The following RRBP1 variants were observed in gnomAD, a reference collection of about 807,000 sequenced individuals.
RRBP1 encodes ribosome binding protein 1.
Under a neutral mutation model 165.2 loss-of-function variants are expected in RRBP1, and 94 were observed. The ratio of observed to expected loss-of-function variants is 0.57; its 90% CI spans 0.48 to 0.68. RRBP1 has a LOEUF of 0.68. RRBP1 is among the 30% of genes least tolerant of loss of function. The pLI, the probability that RRBP1 is intolerant of heterozygous loss-of-function variation, is 0.00. For missense variants in RRBP1, 1,676 were observed against 1,763.0 expected (o/e 0.95, Z 0.88); for synonymous variants, 680 against 714.5 (o/e 0.95, Z 0.77).
chr20:17,663,201 G>A (rs1316616715), intron 2 of RRBP1, among the ~76,000 whole-genome samples: 3 of 152,162 alleles, frequency 2.0e-5, no homozygotes, highest in African/African-American at 7.2e-5. Context: ...GAACAGCCAC[G>A]CACAAAGCGG....
At chr20:17,623,753 A>C (rs1285273011) in intron 13 of RRBP1, among the ~76,000 whole-genome samples, 1 of 152,104 alleles carries the variant, frequency 6.6e-6, no homozygotes, top group Non-Finnish European at 1.5e-5. Context: ...CCAACATGGC[A>C]AAACCCCATC....
At chr20:17,679,398 C>T (rs1262196586) in intron 2 of RRBP1, among the ~76,000 whole-genome samples, 2 of 152,200 alleles carry the variant, frequency 1.3e-5, no homozygotes, top group African/African-American at 4.8e-5. Flanking sequence ...CAGCACAGTC[C>T]CTGCCTTCAT....
At chr20:17,648,772 TA>T (rs1001084946) in intron 3 of RRBP1, among the ~76,000 whole-genome samples, 1 of 152,040 alleles carries the variant, frequency 6.6e-6, no homozygotes, top group African/African-American at 2.4e-5. Flanking sequence ...TACCTGGAGT[TA>T]AAAAAAACCC....
rs1227390805 is a variant in RRBP1 at position 17,614,214 on chromosome 20, C to A, written c.4201G>T (p.Gly1401Cys). Reference sequence around the variant, plus strand: ...GAGGTGCCCTCCTTTGAGCTGCTGCCGTCCTCCTGTGAACGAAGGCAGGTG... The same window carrying A: ...GAGGTGCCCTCCTTTGAGCTGCTGCAGTCCTCCTGTGAACGAAGGCAGGTG... ...LQEQLEKAED[G>C]SSSKEGTSV The change falls in exon 25 of 25, where the codon GGC becomes TGC. Residue 1401 changes from glycine (G) to cysteine (C), a missense_variant. Gly to Cys is a radical substitution (Grantham distance 159). This residue lies in a region of RRBP1 where 1,184 missense variants were observed against 1,167.1 expected (regional missense o/e 1.01). Coordinates refer to ENST00000377813, the MANE Select transcript of RRBP1 (RefSeq NM_001365613.2). 3 of 1,613,548 alleles carry A rather than the reference C, an allele frequency of 1.9e-6. No homozygotes were observed. The highest frequency in any genetic ancestry group is 2.5e-6 in the Non-Finnish European group (3 of 1,179,986).
chr20:17,665,027 T>C (rs2036841632), intron 2 of RRBP1, among the ~76,000 whole-genome samples: 1 of 152,122 alleles, frequency 6.6e-6, no homozygotes, highest in Non-Finnish European at 1.5e-5. Flanking sequence ...ACCACCCAGG[T>C]TTACCAAACC....
In RRBP1 at chr20:17,621,750, A is replaced by G; in HGVS notation, c.3264T>C (p.Asp1088=). The change falls in exon 15 of 25, where the codon GAT becomes GAC. Residue 1088 remains aspartate (D), a synonymous_variant. Transcript: ENST00000377813. The part of the protein sequence containing the change: ...AQQNYTEWLQ[D]LKEKGPTLLK... Reference sequence around the variant, plus strand: ...GCAGCGTGGGGCCTTTCTCTTTGAGATCCTGCAGCCACTCGGTGTAATTCT... The same window carrying G: ...GCAGCGTGGGGCCTTTCTCTTTGAGGTCCTGCAGCCACTCGGTGTAATTCT... 1 of 1,613,794 alleles carries G rather than the reference A, an allele frequency of 6.2e-7. No individual in the cohort carries two copies. Among genetic ancestry groups the G allele is most frequent in the Non-Finnish European group, 8.5e-7 (1 of 1,179,994 alleles).
At chr20:17,678,212 T>G (rs1381541174) in intron 2 of RRBP1, among the ~76,000 whole-genome samples, 1 of 152,212 alleles carries the variant, frequency 6.6e-6, no homozygotes, top group African/African-American at 2.4e-5. Context: ...GAACTAATTT[T>G]CTATATGCTA....
At chr20:17,675,953 A>G (rs77668597) in intron 2 of RRBP1, among the ~76,000 whole-genome samples, 2,384 of 152,302 alleles carry the variant, frequency 0.016, 71 homozygotes, top group African/African-American at 0.055. Context: ...CACGCCTACA[A>G]TCCTGGCACT....
intron 3 of RRBP1, among the ~76,000 whole-genome samples, chr20:17,654,824 G>A (rs1484382928): frequency 3.3e-5 from 5 of 152,176 alleles, no homozygotes; most frequent in African/African-American, 4.8e-5. Context: ...AGAGGCCTGC[G>A]GTGCTGAGCT....
At position 17,618,693 on chromosome 20, in the gene RRBP1, C is replaced by CA. The variant is rs1490884776; in HGVS notation, c.3676-15dup. 4.4e-6 allele frequency: 7 copies of CA among 1,605,262 alleles called. No homozygotes were observed. Among genetic ancestry groups the CA allele is most frequent in the Non-Finnish European group, 6.0e-6 (7 of 1,172,460 alleles). On this transcript the variant is annotated splice_polypyrimidine_tract_variant and intron_variant, in intron 19 of 24. Transcript: ENST00000377813. ...AAGTTGCCTCAGCTTGGGGAGAAAA[C>CA]AGAGGCGGGTGATGGGAAAAAAGGA...
intron 3 of RRBP1, among the ~76,000 whole-genome samples, chr20:17,651,511 A>G (rs189834266): frequency 1.2e-4 from 19 of 152,342 alleles, no homozygotes; most frequent in Non-Finnish European, 8.8e-5. Context: ...ATGCTAGGGA[A>G]TATTATGCAG....
intron 3 of RRBP1, among the ~76,000 whole-genome samples, chr20:17,648,405 G>A (rs1176862182): frequency 1.3e-5 from 2 of 152,220 alleles, no homozygotes; most frequent in African/African-American, 4.8e-5. Context: ...CACAAACAGT[G>A]GACTCCAGGC....
Position 17,659,859 on chromosome 20 carries a change from T to C in RRBP1, c.649A>G (p.Asn217Asp), listed in dbSNP as rs749199560. The C allele has an allele frequency of 1.1e-5, 17 of 1,551,792 alleles. No homozygotes were observed. The highest frequency in any genetic ancestry group is 2.4e-5 in the South Asian group (2 of 84,096). The change falls in exon 3 of 25, where the codon AAC becomes GAC. Residue 217 changes from asparagine (N) to aspartate (D), a missense_variant. By Grantham distance (23) the Asn-to-Asp change is conservative (BLOSUM62 1). Around this residue, in one of 5 missense-constraint regions of RRBP1, gnomAD observed 392 missense variants for 382.5 expected, o/e 1.02. Coordinates refer to ENST00000377813, the MANE Select transcript of RRBP1 (RefSeq NM_001365613.2). The stretch of plus-strand genomic sequence containing the variant: ...GTTCCCTCTGCCTTTCTGCCCTGGT[T>C]TGGGGCTCCTTCAGCCTTTTTGCTT... ...NQSKKAEGAP[N>D]QGRKAEGTPN...
At chr20:17,632,404 C>T (rs531333505) in intron 8 of RRBP1, among the ~76,000 whole-genome samples, 1 of 152,192 alleles carries the variant, frequency 6.6e-6, no homozygotes, top group South Asian at 2.1e-4. Context: ...CAATCATGGG[C>T]AGGCACACCC....
intron 18 of RRBP1, among the ~76,000 whole-genome samples, chr20:17,620,015 G>A (rs1019575141): frequency 1.3e-5 from 2 of 152,154 alleles, no homozygotes; most frequent in Non-Finnish European, 2.9e-5. Flanking sequence ...TCTGAAGGGG[G>A]CAGTGGGGCC....
intron 3 of RRBP1, among the ~76,000 whole-genome samples, chr20:17,656,093 T>C (rs1343741378): frequency 6.6e-6 from 1 of 152,218 alleles, no homozygotes; most frequent in African/African-American, 2.4e-5. Context: ...CCACCGCAGA[T>C]GGCCCTGAAG....
chr20:17,636,228 G>A (rs891552100), intron 6 of RRBP1, among the ~76,000 whole-genome samples: 3 of 152,266 alleles, frequency 2.0e-5, no homozygotes, highest in African/African-American at 7.2e-5. Flanking sequence ...AAAGAAGATA[G>A]AGCCTGCGTT....
At position 17,633,453 on chromosome 20, in the gene RRBP1, G is replaced by A. The variant is rs201104155; in HGVS notation, c.2610+7C>T. 9.9e-4 allele frequency: 1,596 copies of A among 1,612,264 alleles called. No individual in the cohort carries two copies. The highest frequency in any genetic ancestry group is 1.2e-3 in the Non-Finnish European group (1,420 of 1,179,350). ...AGGGCACTGAGGCGGCCACTGCCCC[G>A]ACTCACCTGCAGCTGCAGGACCTGC... On this transcript the variant is annotated splice_region_variant and intron_variant, in intron 8 of 24. Coordinates refer to ENST00000377813, the MANE Select transcript of RRBP1 (RefSeq NM_001365613.2).
At chr20:17,633,688 G>A (rs1025538552) in intron 7 of RRBP1, 75 bp from the exon 8 acceptor site, 2 of 1,482,244 alleles carry the variant, frequency 1.3e-6, no homozygotes, top group Non-Finnish European at 1.8e-6. Flanking sequence ...CTCCCTCCAG[G>A]ACTCCAGCTC....
Sources: gnomAD v4.1 joint callset for allele counts (sites outside exome capture counted in the v4.1 genomes callset) on GRCh38, gnomAD v4.1.1 for gene constraint, gnomAD v4.1.1 regional missense constraint, MANE v1.5 for transcripts, NCBI Gene and HGNC (gene_info 2026-07-23, HGNC 2026-07-21) for gene names.